LYPD6: variants seen among roughly 807,000 people sequenced by gnomAD.
The protein encoded by LYPD6 is ly6/PLAUR domain-containing protein 6.
In LYPD6, 15 loss-of-function variants were observed where a neutral mutation model predicts 22.7. The ratio of observed to expected loss-of-function variants is 0.66; its 90% CI spans 0.44 to 1.02. LYPD6 has a LOEUF of 1.02. LYPD6 is among the 50% of genes least tolerant of loss of function. The probability of loss-of-function intolerance (pLI) is 0.00; values close to 1 mark genes in which losing one functional copy is unlikely to be tolerated. For synonymous variants in LYPD6, 72 were observed against 77.5 expected (o/e 0.93, Z 0.37); for missense variants, 189 against 208.4 (o/e 0.91, Z 0.57).
Position 149,437,674 on chromosome 2 carries a change from C to T in LYPD6, c.-35C>T. ...CTCCTGTTGCCCTGAGTGCCCACTC[C>T]CAGGCCCTCTGTATGAGTGACACTT... On this transcript the variant is annotated 5_prime_UTR_variant, in exon 2 of 5. Coordinates refer to ENST00000334166, the MANE Select transcript of LYPD6 (RefSeq NM_194317.5). The T allele has an allele frequency of 1.2e-6, 2 of 1,612,560 alleles. No individual in the cohort carries two copies. The highest frequency in any genetic ancestry group is 1.7e-6 in the Non-Finnish European group (2 of 1,179,448).
rs147233410 is a variant in LYPD6 at position 149,398,834 on chromosome 2, C to A, written c.-71-38804C>A. The stretch of plus-strand genomic sequence containing the variant: ...GATAGAGGAGAAGGTTTAATCCTAA[C>A]AAAAAGGTATAAAATAATTCCATTG... On this transcript the variant is annotated intron_variant, in intron 1 of 4. Coordinates refer to ENST00000334166, the MANE Select transcript of LYPD6 (RefSeq NM_194317.5). Among the ~76,000 whole-genome samples, 4 of 152,098 alleles carry A rather than the reference C, an allele frequency of 2.6e-5. No individual in the cohort carries two copies. In the East Asian group the frequency reaches 7.7e-4, roughly 29 times the overall value.
chr2:149,452,519 C>A (rs1016236173), intron 3 of LYPD6, among the ~76,000 whole-genome samples: 6 of 152,176 alleles, frequency 3.9e-5, no homozygotes, highest in Non-Finnish European at 7.3e-5. Flanking sequence ...TGAGACACTG[C>A]TATGGAAATT....
At chr2:149,330,879 C>G (rs2105038659) in intron 1 of LYPD6, among the ~76,000 whole-genome samples, 157 bp downstream of exon 1, 1 of 152,258 alleles carries the variant, frequency 6.6e-6, no homozygotes, top group African/African-American at 2.4e-5. Context: ...GAACTGGGGT[C>G]CCGGCCTCCG....
intron 1 of LYPD6, among the ~76,000 whole-genome samples, chr2:149,345,860 A>T (rs982821064): frequency 6.6e-6 from 1 of 152,184 alleles, no homozygotes; most frequent in East Asian, 1.9e-4. Context: ...CTTTGCTCTG[A>T]GGTCTCGTAG....
chr2:149,385,005 T>C (rs149719792), intron 1 of LYPD6, among the ~76,000 whole-genome samples: 2 of 152,120 alleles, frequency 1.3e-5, no homozygotes, highest in African/African-American at 4.8e-5. Flanking sequence ...TTGCGATAGT[T>C]TACTGAGAAT....
At chr2:149,443,662 ATTAAT>A in intron 2 of LYPD6, among the ~76,000 whole-genome samples, 1 of 152,246 alleles carries the variant, frequency 6.6e-6, no homozygotes, top group South Asian at 2.1e-4. Context: ...ATTTTATATG[ATTAAT>A]TAAAATATCT....
At chr2:149,380,310 A>G (rs1682031011) in intron 1 of LYPD6, among the ~76,000 whole-genome samples, 1 of 152,262 alleles carries the variant, frequency 6.6e-6, no homozygotes, top group Admixed American at 6.5e-5. Context: ...AGCGAAGATA[A>G]GACATAACTT....
chr2:149,333,161 G>C (rs950677594), intron 1 of LYPD6, among the ~76,000 whole-genome samples: 2 of 152,112 alleles, frequency 1.3e-5, no homozygotes, highest in African/African-American at 4.8e-5. Flanking sequence ...AACACAAAAA[G>C]CACCCACTTA....
chr2:149,366,994 A>C (rs1432603313), intron 1 of LYPD6, among the ~76,000 whole-genome samples: 1 of 152,154 alleles, frequency 6.6e-6, no homozygotes, highest in Non-Finnish European at 1.5e-5. Context: ...AAACGTTTAC[A>C]TGATGCTGGC....
intron 3 of LYPD6, among the ~76,000 whole-genome samples, chr2:149,451,733 C>T (rs1000970539): frequency 1.4e-4 from 22 of 152,122 alleles, no homozygotes; most frequent in Admixed American, 1.4e-3. Flanking sequence ...TTCCCCTCTA[C>T]TTTTATCTTT....
the LYPD6 span, among the ~76,000 whole-genome samples, chr2:149,484,477 T>C: frequency 6.6e-6 from 1 of 152,176 alleles, no homozygotes; most frequent in Non-Finnish European, 1.5e-5. Flanking sequence ...AGGAGAAAGC[T>C]TGGATCCTAT....
intron 1 of LYPD6, among the ~76,000 whole-genome samples, chr2:149,350,522 C>T: frequency 6.6e-6 from 1 of 152,072 alleles, no homozygotes; most frequent in Non-Finnish European, 1.5e-5. Flanking sequence ...GAGTAGTAAG[C>T]AGTTAGTGGC....
At chr2:149,443,061 C>T (rs1299916967) in intron 2 of LYPD6, among the ~76,000 whole-genome samples, 1 of 152,142 alleles carries the variant, frequency 6.6e-6, no homozygotes, top group African/African-American at 2.4e-5. Context: ...TTTTAGTTCC[C>T]ACTCCTGTTT....
At chr2:149,356,519 G>A (rs1681452733) in intron 1 of LYPD6, among the ~76,000 whole-genome samples, 1 of 152,112 alleles carries the variant, frequency 6.6e-6, no homozygotes, top group African/African-American at 2.4e-5. Context: ...ATTACCTCTA[G>A]CCTGAGTGCC....
Position 149,470,884 on chromosome 2 carries a change from A to C in LYPD6, c.*34A>C, listed in dbSNP as rs1461704966. 6.3e-7 allele frequency: 1 copy of C among 1,581,550 alleles called. No homozygotes were observed. Among genetic ancestry groups the C allele is most frequent in the Non-Finnish European group, 8.7e-7 (1 of 1,154,758 alleles). On this transcript the variant is annotated 3_prime_UTR_variant, in exon 5 of 5. Coordinates refer to ENST00000334166, the MANE Select transcript of LYPD6 (RefSeq NM_194317.5). ...TGGCTCCATGTGTTAATAGCGATCC[A>C]TGGGGATCTCGATGGTCCACAGACC...
intron 1 of LYPD6, among the ~76,000 whole-genome samples, chr2:149,384,681 C>T (rs1273316308): frequency 6.6e-6 from 1 of 152,086 alleles, no homozygotes; most frequent in African/African-American, 2.4e-5. Flanking sequence ...GACAGTGGGA[C>T]TTCCCTTACT....
chr2:149,360,754 A>T (rs553972127), intron 1 of LYPD6, among the ~76,000 whole-genome samples: 67 of 152,146 alleles, frequency 4.4e-4, no homozygotes, highest in African/African-American at 1.5e-3. Flanking sequence ...GTGGCCTTTC[A>T]TTCTATTGAA....
chr2:149,420,544 A>G (rs75020254), intron 1 of LYPD6, among the ~76,000 whole-genome samples: 76 of 152,288 alleles, frequency 5.0e-4, no homozygotes, highest in African/African-American at 1.8e-3. Flanking sequence ...GGAGTATTTC[A>G]AGGGTAACAC....
intron 1 of LYPD6, among the ~76,000 whole-genome samples, chr2:149,397,170 A>C (rs1441601602): frequency 1.3e-5 from 2 of 152,200 alleles, no homozygotes; most frequent in Non-Finnish European, 2.9e-5. Context: ...GCAGTGTGAC[A>C]ACTATGTATT....
Sources: gnomAD v4.1 joint callset for allele counts (sites outside exome capture counted in the v4.1 genomes callset) on GRCh38, gnomAD v4.1.1 for gene constraint, MANE v1.5 for transcripts, NCBI Gene and HGNC (gene_info 2026-07-23, HGNC 2026-07-21) for gene names.